Variants in EXOC2 observed in about 807,000 individuals in gnomAD.
The protein encoded by EXOC2 is SEC5-like 1.
EXOC2 carries 70 observed loss-of-function variants against 131.8 expected under a neutral mutation model. That is an observed-to-expected ratio of 0.53 (90% confidence interval 0.44 to 0.65). EXOC2 has a LOEUF of 0.65. EXOC2 is among the 30% of genes least tolerant of loss of function. EXOC2 has a pLI of 0.00. For synonymous variants in EXOC2, 411 were observed against 398.4 expected, an observed-to-expected ratio of 1.03 and a Z score of -0.38; for missense variants, 923 against 1,108.6, an observed-to-expected ratio of 0.83 and a Z score of 2.38.
intron 1 of EXOC2, among the ~76,000 whole-genome samples, chr6:677,934 T>TCTCACACACACACACA (rs111239666): frequency 2.0e-5 from 3 of 147,204 alleles, no homozygotes; most frequent in Non-Finnish European, 3.0e-5. Context: ...TTATAATCTC[T>TCTCACACACACACACA]CACACACACA....
intron 1 of EXOC2, among the ~76,000 whole-genome samples, chr6:680,652 G>A (rs2127797717): frequency 6.6e-6 from 1 of 152,282 alleles, no homozygotes; most frequent in East Asian, 1.9e-4. Flanking sequence ...GACCACATGA[G>A]GCTTCCTCTT....
At chr6:634,610 T>G (rs910265453) in intron 2 of EXOC2, among the ~76,000 whole-genome samples, 1 of 152,320 alleles carries the variant, frequency 6.6e-6, no homozygotes. Context: ...CAACTATGCT[T>G]TAAAGATACA....
chr6:550,420 G>A (rs1407399678), intron 21 of EXOC2, among the ~76,000 whole-genome samples: 1 of 152,088 alleles, frequency 6.6e-6, no homozygotes, highest in Admixed American at 6.5e-5. Flanking sequence ...TATTTTGAAT[G>A]TTCCCATCTT....
intron 3 of EXOC2, among the ~76,000 whole-genome samples, chr6:630,916 T>A (rs1165837664): frequency 1.6e-4 from 25 of 152,344 alleles, no homozygotes; most frequent in Admixed American, 1.4e-3. Flanking sequence ...GTGGACCCTG[T>A]GAACAAGACA....
intron 1 of EXOC2, among the ~76,000 whole-genome samples, chr6:678,071 TGA>T (rs749809932): frequency 6.6e-6 from 1 of 152,142 alleles, no homozygotes; most frequent in East Asian, 1.9e-4. Context: ...GAGCACGCAA[TGA>T]GAGATGCTAA....
At chr6:677,432 A>G (rs1370218417) in intron 1 of EXOC2, among the ~76,000 whole-genome samples, 1 of 152,272 alleles carries the variant, frequency 6.6e-6, no homozygotes, top group East Asian at 1.9e-4. Flanking sequence ...TAAAATCAGA[A>G]ACAATACCAA....
At chr6:515,589 C>T (rs1053303070) in intron 23 of EXOC2, among the ~76,000 whole-genome samples, 8 of 151,142 alleles carry the variant, frequency 5.3e-5, no homozygotes, top group Non-Finnish European at 8.9e-5. Context: ...TAGGAGGGAG[C>T]GAGAAGCCAG....
intron 1 of EXOC2, among the ~76,000 whole-genome samples, chr6:685,460 G>A (rs987748518): frequency 6.6e-6 from 1 of 152,214 alleles, no homozygotes; most frequent in African/African-American, 2.4e-5. Context: ...TGGACCCAAA[G>A]GGATTGCCCA....
At chr6:684,797 GA>G (rs1243073836) in intron 1 of EXOC2, among the ~76,000 whole-genome samples, 2 of 151,972 alleles carry the variant, frequency 1.3e-5, no homozygotes, top group African/African-American at 4.8e-5. Flanking sequence ...ATAATATAAA[GA>G]AAAAAATCAG....
chr6:495,938 A>C (rs1763710214), intron 25 of EXOC2, among the ~76,000 whole-genome samples: 1 of 152,108 alleles, frequency 6.6e-6, no homozygotes, highest in African/African-American at 2.4e-5. Flanking sequence ...ATACTGGATA[A>C]TTTCTATTGG....
At chr6:635,648 T>C (rs777271924) in intron 2 of EXOC2, among the ~76,000 whole-genome samples, 26 of 152,374 alleles carry the variant, frequency 1.7e-4, no homozygotes, top group Non-Finnish European at 3.5e-4. Context: ...GCTTGGCTAG[T>C]GTAGATATCA....
intron 27 of EXOC2, among the ~76,000 whole-genome samples, chr6:487,595 C>T (rs550634355): frequency 5.9e-5 from 9 of 152,126 alleles, no homozygotes; most frequent in Admixed American, 1.3e-4. Flanking sequence ...TTAGTAGAGA[C>T]GGGGTTTTAC....
chr6:516,243 G>A (rs544863891), intron 23 of EXOC2, among the ~76,000 whole-genome samples: 1 of 152,306 alleles, frequency 6.6e-6, no homozygotes, highest in African/African-American at 2.4e-5. Context: ...TGCTCCTGAC[G>A]CTGGGAGAAT....
intron 1 of EXOC2, among the ~76,000 whole-genome samples, chr6:645,662 G>C (rs1365536962): frequency 6.6e-6 from 1 of 152,114 alleles, no homozygotes; most frequent in East Asian, 1.9e-4. Context: ...TTTTTAATAT[G>C]GTATGTGACA....
intron 7 of EXOC2, among the ~76,000 whole-genome samples, chr6:607,228 C>G (rs1737553): frequency 0.089 from 13,596 of 152,230 alleles, 1,036 homozygotes; most frequent in African/African-American, 0.21. Flanking sequence ...CCTATCAAAA[C>G]CACACACACA....
In EXOC2 at chr6:532,551, C is replaced by T. The variant is rs772828924; in HGVS notation, c.2298G>A (p.Leu766=). 1 of 1,609,858 alleles carries T rather than the reference C, an allele frequency of 6.2e-7. No individual in the cohort carries two copies. Among genetic ancestry groups the T allele is most frequent in the Non-Finnish European group, 8.5e-7 (1 of 1,178,752 alleles). The change falls in exon 23 of 28, where the codon TTG becomes TTA. Residue 766 remains leucine, a synonymous_variant. Transcript: ENST00000230449. ...AGGAGCCAACGATGGGATCTGCTTT[C>T]AACTCGATGTAATTTTCAAAGAGTC... is the stretch of plus-strand genomic sequence containing the variant. The part of the protein sequence containing the change: ...DQRLFENYIE[L]KADPIVGSLE...
At chr6:681,380 T>C (rs1482106404) in intron 1 of EXOC2, among the ~76,000 whole-genome samples, 1 of 152,236 alleles carries the variant, frequency 6.6e-6, no homozygotes, top group African/African-American at 2.4e-5. Context: ...TTTGATATTC[T>C]ATTACTGCTT....
intron 20 of EXOC2, among the ~76,000 whole-genome samples, chr6:554,272 C>A (rs1458894920): frequency 1.3e-5 from 2 of 152,138 alleles, no homozygotes; most frequent in East Asian, 1.9e-4. Context: ...AAACTCCTGA[C>A]CTCGTGATCC....
At chr6:614,493 T>C (rs76428019) in intron 6 of EXOC2, among the ~76,000 whole-genome samples, 1,807 of 152,320 alleles carry the variant, frequency 0.012, 38 homozygotes, top group African/African-American at 0.041. Flanking sequence ...TGGCTGACTA[T>C]AACCTGTAAT....
Sources: allele counts gnomAD v4.1 joint callset (sites outside exome capture counted in the v4.1 genomes callset), GRCh38; gene constraint gnomAD v4.1.1; transcripts MANE v1.5; gene names NCBI Gene and HGNC (gene_info 2026-07-23, HGNC 2026-07-21).